Variants in TNRC18 observed in about 807,000 individuals in gnomAD.
TNRC18 encodes the protein trinucleotide repeat-containing gene 18 protein.
TNRC18 carries 69 observed loss-of-function variants against 226.7 expected under a neutral mutation model. That is an observed-to-expected ratio of 0.30 (90% CI 0.25 to 0.37). The LOEUF (loss-of-function observed/expected upper bound fraction) is 0.37. Among genes scored for constraint, TNRC18 ranks in the 10% least tolerant of loss-of-function variants. The pLI is 1.00. For synonymous variants in TNRC18, 2,449 were observed against 1,927.6 expected, an observed-to-expected ratio of 1.27 and a Z score of -7.09; for missense variants, 4,754 against 4,256.6, an observed-to-expected ratio of 1.12 and a Z score of -3.25.
chr7:5,312,234 T>A lies in TNRC18; in HGVS notation c.8388+269A>T, dbSNP rs1268631073. On this transcript the variant is annotated intron_variant, in intron 27 of 29. Coordinates refer to ENST00000430969, the MANE Select transcript of TNRC18 (RefSeq NM_001080495.3). The surrounding 1 kb of genome is among the most constrained non-coding windows in gnomAD (Gnocchi z 6.3). The stretch of plus-strand genomic sequence containing the variant: ...TGCTGATCTTTGCACGTTTCCTTCA[T>A]CTGGGCTCCACGAGGGTGGCTCTGC... Among the ~76,000 whole-genome samples, 3 of 152,212 alleles carry A rather than the reference T, an allele frequency of 2.0e-5. No homozygotes were observed. Among genetic ancestry groups the A allele is most frequent in the Admixed American group, 1.3e-4 (2 of 15,282 alleles).
chr7:5,377,375 G>A lies in TNRC18; in HGVS notation c.2457C>T (p.Pro819=), dbSNP rs1431181086. The A allele has an allele frequency of 1.3e-6, 2 of 1,573,698 alleles. No individual in the cohort carries two copies. Among genetic ancestry groups the A allele is most frequent in the East Asian group, 2.3e-5 (1 of 42,838 alleles). ...GNASMWLAGH[P]YGLGPPSLHQ... is the part of the protein sequence containing the mutation. ...GACCCTGTGCCCCACACTCACCGTA[G>A]GGGTGTCCAGCGAGCCACATGGATG... Residue 819 remains proline, a synonymous_variant, in exon 7 of 30, where the codon CCC becomes CCT. Coordinates refer to ENST00000430969, the MANE Select transcript of TNRC18 (RefSeq NM_001080495.3). The surrounding 1 kb of genome is among the most constrained non-coding windows in gnomAD (Gnocchi z 5.8).
chr7:5,339,669 A>C (rs957274462), intron 18 of TNRC18, among the ~76,000 whole-genome samples: 1 of 151,902 alleles, frequency 6.6e-6, no homozygotes, highest in Admixed American at 6.6e-5. Flanking sequence ...TCCCAGGTTC[A>C]AGCGATTCTC....
At chr7:5,416,642 G>C (rs1455074091) in intron 2 of TNRC18, among the ~76,000 whole-genome samples, 1 of 151,752 alleles carries the variant, frequency 6.6e-6, no homozygotes, top group Non-Finnish European at 1.5e-5. Flanking sequence ...GATCACTTGA[G>C]GGCAGGAGTT....
At chr7:5,417,929 G>A (rs566627758) in intron 2 of TNRC18, among the ~76,000 whole-genome samples, 2 of 152,274 alleles carry the variant, frequency 1.3e-5, no homozygotes, top group South Asian at 2.1e-4. Flanking sequence ...GAGAAGGCCC[G>A]TGGCCCCCTG....
At chr7:5,397,537 T>C (rs560515154) in intron 2 of TNRC18, among the ~76,000 whole-genome samples, 1 of 152,250 alleles carries the variant, frequency 6.6e-6, no homozygotes, top group South Asian at 2.1e-4. Context: ...TGCCTCAGTC[T>C]GCCACTCTGT....
chr7:5,332,401 C>T (rs1032381757), intron 19 of TNRC18, among the ~76,000 whole-genome samples: 1 of 152,222 alleles, frequency 6.6e-6, no homozygotes, highest in African/African-American at 2.4e-5. Context: ...CCACTGCGCT[C>T]CAGCCTGGTG....
rs1295218053 is a variant in TNRC18, at chr7:5,388,744, G to T, written c.1080C>A (p.Phe360Leu). 1.0e-5 allele frequency: 13 copies of T among 1,252,142 alleles called. No homozygotes were observed. In the Admixed American group the frequency reaches 4.0e-4, roughly 38 times the overall value. 77.6% of individuals were successfully genotyped at this position (1,252,142 alleles called of 1,614,324 possible). A position where few individuals can be genotyped will look rare whatever the true frequency, so the allele number is the denominator to read the frequency against. The change falls in exon 5 of 30, where the codon TTC becomes TTA. Residue 360 changes from phenylalanine to leucine, a missense_variant. Transcript: ENST00000430969. The part of the protein sequence containing the change: ...AATPAGVYTV[F>L]REQGREHRVV... ...CGCGGTGCTCACGGCCCTGCTCGCG[G>T]AAGACGGTGTAGACGCCGGCGGGGG...
chr7:5,404,428 C>G (rs1781326950), intron 2 of TNRC18, among the ~76,000 whole-genome samples: 1 of 152,086 alleles, frequency 6.6e-6, no homozygotes, highest in Admixed American at 6.6e-5. Context: ...TGGCTAAACT[C>G]CATCGAAATT....
At chr7:5,345,923 G>A in intron 17 of TNRC18, 113 bp from the exon 18 acceptor site, 1 of 1,403,998 alleles carries the variant, frequency 7.1e-7, no homozygotes, top group Non-Finnish European at 9.4e-7. Context: ...CCTCAGTCCT[G>A]AGCAGGGGGC....
intron 14 of TNRC18, among the ~76,000 whole-genome samples, chr7:5,360,058 G>A (rs1792875638): frequency 6.6e-6 from 1 of 152,054 alleles, no homozygotes; most frequent in Admixed American, 6.6e-5. Context: ...ACACAGACAT[G>A]GCTTAGAAGC....
chr7:5,372,862 T>C (rs1794296458), intron 10 of TNRC18, among the ~76,000 whole-genome samples: 1 of 151,900 alleles, frequency 6.6e-6, no homozygotes, highest in Non-Finnish European at 1.5e-5. Flanking sequence ...TCTGTACAAA[T>C]ATAAAAAATA....
At chr7:5,396,327 AAC>A (rs1780688041) in intron 2 of TNRC18, among the ~76,000 whole-genome samples, 1 of 151,676 alleles carries the variant, frequency 6.6e-6, no homozygotes, top group South Asian at 2.1e-4. Flanking sequence ...CCGCCTGGGC[AAC>A]AGAGTGAGAC....
At chr7:5,336,672 G>C (rs1025990124) in intron 18 of TNRC18, among the ~76,000 whole-genome samples, 4 of 152,168 alleles carry the variant, frequency 2.6e-5, no homozygotes, top group African/African-American at 9.7e-5. Flanking sequence ...AGCCCAGGAG[G>C]TTGAGGCTTC....
chr7:5,338,548 G>C (rs1022699172), intron 18 of TNRC18, among the ~76,000 whole-genome samples: 1 of 150,040 alleles, frequency 6.7e-6, no homozygotes, highest in Admixed American at 6.7e-5. Context: ...GACCAGCCTG[G>C]GCAACAGGTA....
chr7:5,316,059 C>G lies in TNRC18; in HGVS notation c.6759G>C (p.Leu2253=). ...PGTVVRGLLD[L]EDDGDLITVE... is the part of the protein sequence containing the mutation. ...CGGTGATCAAGTCCCCATCGTCCTCCAGGTCCAGTAACCCTGTGGGAAGAG... is the reference window on the plus strand; with the variant it reads ...CGGTGATCAAGTCCCCATCGTCCTCGAGGTCCAGTAACCCTGTGGGAAGAG... Residue 2253 remains leucine (L), a synonymous_variant, in exon 25 of 30, where the codon CTG becomes CTC. Coordinates refer to ENST00000430969, the MANE Select transcript of TNRC18 (RefSeq NM_001080495.3). 6.2e-7 allele frequency: 1 copy of G among 1,611,200 alleles called. No homozygotes were observed. Among genetic ancestry groups the G allele is most frequent in the Non-Finnish European group, 8.5e-7 (1 of 1,178,654 alleles).
intron 11 of TNRC18, among the ~76,000 whole-genome samples, chr7:5,369,209 A>G (rs1793924127): frequency 1.3e-5 from 2 of 152,130 alleles, no homozygotes; most frequent in South Asian, 2.1e-4. Flanking sequence ...TTAGCCAGGC[A>G]TGGTGGCACA....
intron 16 of TNRC18, 122 bp downstream of exon 16, chr7:5,356,794 C>CAG (rs756427147): frequency 2.2e-6 from 3 of 1,366,414 alleles, no homozygotes; most frequent in Non-Finnish European, 2.9e-6. Context: ...TAGTGCGCCC[C>CAG]AGAGAGAGAG....
Position 5,372,115 on chromosome 7 carries a change from T to G in TNRC18, c.3230-751A>C, listed in dbSNP as rs569966507. Among the ~76,000 whole-genome samples the G allele has an allele frequency of 2.0e-5, 3 of 151,586 alleles. 1 individual carries two copies. The South Asian group carries it at 6.3e-4, about 32-fold the overall frequency. ...CGCAGTCTCGCTCTGTCACCCAGAC[T>G]GGAGTGCAGTGGCGCGATCGCGGCT... On this transcript the variant is annotated intron_variant, in intron 10 of 29. Coordinates refer to ENST00000430969, the MANE Select transcript of TNRC18 (RefSeq NM_001080495.3).
chr7:5,397,540 C>A (rs7786218), intron 2 of TNRC18, among the ~76,000 whole-genome samples: 91,935 of 151,982 alleles, frequency 0.6, 28,630 homozygotes, highest in East Asian at 0.83. Context: ...CTCAGTCTGC[C>A]ACTCTGTAAA....
Sources: allele counts gnomAD v4.1 joint callset (sites outside exome capture counted in the v4.1 genomes callset), GRCh38; gene constraint gnomAD v4.1.1; non-coding constraint Gnocchi (gnomAD v3.1); transcripts MANE v1.5; gene names NCBI Gene and HGNC (gene_info 2026-07-23, HGNC 2026-07-21).